Variants in LRRC4C observed in about 807,000 individuals in gnomAD.
LRRC4C encodes leucine rich repeat containing 4C.
In LRRC4C, 5 loss-of-function variants were observed where a neutral mutation model predicts 33.6. That is an observed-to-expected ratio of 0.15 (90% CI 0.08 to 0.31). LRRC4C has a LOEUF of 0.31. Among genes scored for constraint, LRRC4C ranks in the 10% least tolerant of loss-of-function variants. The probability of loss-of-function intolerance (pLI) is 1.00; values close to 1 mark genes in which losing one functional copy is unlikely to be tolerated. For synonymous variants in LRRC4C, 329 were observed against 302.0 expected (o/e 1.09, Z -0.93); for missense variants, 560 against 796.7 (o/e 0.70, Z 3.58).
At chr11:40,436,019 C>T (rs1770520312) in intron 3 of LRRC4C, among the ~76,000 whole-genome samples, 1 of 152,166 alleles carries the variant, frequency 6.6e-6, no homozygotes, top group South Asian at 2.1e-4. Context: ...ATTTTTTCCT[C>T]TACTTAATTA....
At chr11:40,623,122 T>TTC (rs1962612348) in intron 3 of LRRC4C, among the ~76,000 whole-genome samples, 2 of 151,804 alleles carry the variant, frequency 1.3e-5, no homozygotes, top group African/African-American at 4.8e-5. Context: ...TGCCAGGGTC[T>TTC]TGTTAGCTAG....
intron 1 of LRRC4C, among the ~76,000 whole-genome samples, chr11:41,352,203 A>G (rs1253391365): frequency 1.3e-5 from 2 of 152,220 alleles, no homozygotes; most frequent in Non-Finnish European, 2.9e-5. Flanking sequence ...AAGAGCAGGC[A>G]TTGCTATTCT....
At chr11:40,638,573 G>A (rs1376079963) in intron 3 of LRRC4C, among the ~76,000 whole-genome samples, 1 of 152,072 alleles carries the variant, frequency 6.6e-6, no homozygotes, top group African/African-American at 2.4e-5. Context: ...GATTGCTATT[G>A]CTATTATTAA....
At chr11:40,865,211 A>C (rs1231965073) in intron 2 of LRRC4C, among the ~76,000 whole-genome samples, 1 of 152,164 alleles carries the variant, frequency 6.6e-6, no homozygotes, top group Admixed American at 6.6e-5. Context: ...GATCTCACCC[A>C]TATGTGCAAA....
chr11:41,328,218 A>G (rs1278564880), intron 1 of LRRC4C, among the ~76,000 whole-genome samples: 2 of 152,164 alleles, frequency 1.3e-5, no homozygotes, highest in Non-Finnish European at 2.9e-5. Flanking sequence ...CAATCTCTAT[A>G]GGCATGTGTG....
intron 5 of LRRC4C, among the ~76,000 whole-genome samples, chr11:40,159,264 G>A (rs1174578818): frequency 6.6e-6 from 1 of 152,136 alleles, no homozygotes; most frequent in Non-Finnish European, 1.5e-5. Flanking sequence ...CCAGGTTAAT[G>A]AGCACAGAGC....
At chr11:41,046,767 T>C (rs1265179724) in intron 1 of LRRC4C, among the ~76,000 whole-genome samples, 3 of 152,202 alleles carry the variant, frequency 2.0e-5, no homozygotes, top group Non-Finnish European at 4.4e-5. Context: ...CAACTTAGTT[T>C]CACGGTGAAA....
chr11:40,155,558 T>TA (rs1483726020), intron 5 of LRRC4C, among the ~76,000 whole-genome samples: 1 of 151,940 alleles, frequency 6.6e-6, no homozygotes, highest in African/African-American at 2.4e-5. Flanking sequence ...AAAAGATCAT[T>TA]CAAGGCTACC....
intron 5 of LRRC4C, among the ~76,000 whole-genome samples, chr11:40,240,218 C>T (rs938816566): frequency 1.3e-5 from 2 of 151,942 alleles, no homozygotes; most frequent in East Asian, 3.9e-4. Context: ...AAATGTAACA[C>T]AAAAAGAAAA....
At chr11:41,363,043 A>G (rs1952412572) in intron 1 of LRRC4C, among the ~76,000 whole-genome samples, 1 of 152,194 alleles carries the variant, frequency 6.6e-6, no homozygotes, top group African/African-American at 2.4e-5. Context: ...CAGGTGAGGA[A>G]GTGGATGTCT....
At chr11:40,297,814 T>G (rs533055061) in intron 4 of LRRC4C, among the ~76,000 whole-genome samples, 1 of 152,162 alleles carries the variant, frequency 6.6e-6, no homozygotes, top group Non-Finnish European at 1.5e-5. Context: ...ATTGATGAAA[T>G]TGGACTTGAG....
intron 1 of LRRC4C, among the ~76,000 whole-genome samples, chr11:41,211,624 C>G (rs1946826474): frequency 6.6e-6 from 1 of 152,110 alleles, no homozygotes; most frequent in Non-Finnish European, 1.5e-5. Flanking sequence ...ATGATGGTTT[C>G]CAGCTTCACC....
chr11:40,769,514 A>G (rs1166596179), intron 2 of LRRC4C, among the ~76,000 whole-genome samples: 1 of 152,202 alleles, frequency 6.6e-6, no homozygotes, highest in Non-Finnish European at 1.5e-5. Context: ...AAGACCTATA[A>G]TAGCAAACAT....
At chr11:40,467,315 C>T (rs942315626) in intron 3 of LRRC4C, among the ~76,000 whole-genome samples, 17 of 151,954 alleles carry the variant, frequency 1.1e-4, no homozygotes, top group Non-Finnish European at 2.9e-5. Flanking sequence ...AGACTAATTT[C>T]TTTTTTTAAA....
intron 1 of LRRC4C, among the ~76,000 whole-genome samples, chr11:41,419,797 G>A (rs1209365567): frequency 6.6e-6 from 1 of 151,834 alleles, no homozygotes; most frequent in Non-Finnish European, 1.5e-5. Flanking sequence ...AGGTTTCAGA[G>A]CTGCTGCTTA....
chr11:40,554,826 A>G (rs1591090648), intron 3 of LRRC4C, among the ~76,000 whole-genome samples: 1 of 126,054 alleles, frequency 7.9e-6, no homozygotes, highest in South Asian at 2.3e-4. Flanking sequence ...GGTTCACGCC[A>G]TTCTCCTGCC....
At chr11:40,841,789 T>C (rs934391632) in intron 2 of LRRC4C, among the ~76,000 whole-genome samples, 5 of 152,172 alleles carry the variant, frequency 3.3e-5, no homozygotes, top group Non-Finnish European at 7.4e-5. Flanking sequence ...TCTTTTTCAG[T>C]GTAAGCCAAC....
intron 3 of LRRC4C, among the ~76,000 whole-genome samples, chr11:40,352,995 C>T (rs1024951970): frequency 6.6e-6 from 1 of 152,054 alleles, no homozygotes; most frequent in African/African-American, 2.4e-5. Context: ...TTTTGCAGCT[C>T]TTGGGATTGT....
At position 40,778,453 on chromosome 11, in the gene LRRC4C, C is replaced by G. The variant is rs1328734645; in HGVS notation, c.-406-130175G>C. 3.3e-5 allele frequency among the ~76,000 whole-genome samples: 5 copies of G among 152,222 alleles called. 1 individual carries two copies. In the South Asian group the frequency reaches 1.0e-3, roughly 32 times the overall value. ...ATGGTTGAATCTTTTCCCAAGTCACCAATCTAGTGTAATTGGGATTAGAAT... is the reference window on the plus strand; with the variant it reads ...ATGGTTGAATCTTTTCCCAAGTCACGAATCTAGTGTAATTGGGATTAGAAT... On this transcript the variant is annotated intron_variant, in intron 2 of 6. Transcript: ENST00000528697.
Sources: gnomAD v4.1 joint callset for allele counts (sites outside exome capture counted in the v4.1 genomes callset) on GRCh38, gnomAD v4.1.1 for gene constraint, MANE v1.5 for transcripts, NCBI Gene and HGNC (gene_info 2026-07-23, HGNC 2026-07-21) for gene names.